Variants in LIM2 observed in about 807,000 individuals in gnomAD.
The protein encoded by LIM2 is lens intrinsic membrane protein 2, also known as lens fiber membrane intrinsic protein.
In LIM2, 14 loss-of-function variants were observed where a neutral mutation model predicts 19.0. The observed-to-expected ratio is 0.74, with a 90% CI of 0.49 to 1.15. The LOEUF (loss-of-function observed/expected upper bound fraction) is 1.15, where lower values mean the gene tolerates loss of function less well. LIM2 is among the 50% of genes most tolerant of loss of function. The pLI, the probability that LIM2 is intolerant of heterozygous loss-of-function variation, is 0.00. For missense variants in LIM2, 230 were observed against 243.5 expected, an observed-to-expected ratio of 0.94 and a Z score of 0.37; for synonymous variants, 78 against 89.6, an observed-to-expected ratio of 0.87 and a Z score of 0.73.
chr19:51,385,879 C>T (rs1391891069), intron 2 of LIM2, among the ~76,000 whole-genome samples: 6 of 152,126 alleles, frequency 3.9e-5, no homozygotes, highest in South Asian at 4.1e-4. Flanking sequence ...CTGTCACGTC[C>T]GGCACTCAGT....
intron 2 of LIM2, among the ~76,000 whole-genome samples, chr19:51,385,550 CAAACGAAA>C (rs1212117193): frequency 6.6e-6 from 1 of 151,822 alleles, no homozygotes; most frequent in African/African-American, 2.4e-5. Flanking sequence ...CAAAAACAAA[CAAACGAAA>C]AAACGAAAGA....
intron 2 of LIM2, among the ~76,000 whole-genome samples, chr19:51,386,726 TTA>T (rs1987061179): frequency 6.9e-6 from 1 of 145,866 alleles, no homozygotes; most frequent in Admixed American, 6.8e-5. Flanking sequence ...CTATATGTAG[TTA>T]TATATAATAC....
At position 51,380,490 on chromosome 19, in the gene LIM2, C is replaced by A. The variant is rs1986865874; in HGVS notation, c.460+15G>T. ...TGCCCCAGGCACTGACCTTCCCACC[C>A]CTTGCCCCCAGTACCTGCGAAGAAC... On this transcript the variant is annotated intron_variant, in intron 4 of 4. Coordinates refer to ENST00000596399, the MANE Select transcript of LIM2 (RefSeq NM_001161748.2). 6.2e-7 allele frequency: 1 copy of A among 1,614,192 alleles called. No homozygotes were observed.
In LIM2 at chr19:51,387,358, A is replaced by C. The variant is rs1422792023; in HGVS notation, c.86T>G (p.Met29Arg). The change falls in exon 2 of 5, where the codon ATG becomes AGG. Residue 29 changes from methionine (M) to arginine (R), a missense_variant. Coordinates refer to ENST00000596399, the MANE Select transcript of LIM2 (RefSeq NM_001161748.2). ...GAAGGACCCTGACAGCCGGTACTGC[A>C]TCCAGTGGTCTGTTGCCATGGCCAC... ...LVVAMATDHW[M>R]QYRLSGSFAH... 6.2e-7 allele frequency: 1 copy of C among 1,614,072 alleles called. No homozygotes were observed. Among genetic ancestry groups the C allele is most frequent in the Non-Finnish European group, 8.5e-7 (1 of 1,180,052 alleles).
intron 2 of LIM2, 139 bp downstream of exon 2, chr19:51,387,130 C>CA (rs1568482739): frequency 1.3e-6 from 2 of 1,520,676 alleles, no homozygotes; most frequent in Admixed American, 3.4e-5. Context: ...CTGCCCCCTC[C>CA]ATGCTGAGTG....
At chr19:51,381,121 G>A (rs1986882694) in intron 3 of LIM2, among the ~76,000 whole-genome samples, 1 of 152,024 alleles carries the variant, frequency 6.6e-6, no homozygotes, top group African/African-American at 2.4e-5. Flanking sequence ...GATCAGCCTG[G>A]TCAACATGGT....
intron 2 of LIM2, among the ~76,000 whole-genome samples, chr19:51,385,732 G>T (rs914553876): frequency 3.9e-5 from 6 of 152,098 alleles, no homozygotes; most frequent in African/African-American, 1.2e-4. Context: ...CAGGCAGAGC[G>T]GACTCTGAAG....
chr19:51,387,130 C>A (rs750280313), intron 2 of LIM2, 139 bp downstream of exon 2: 1 of 1,520,676 alleles, frequency 6.6e-7, no homozygotes, highest in Non-Finnish European at 9.1e-7. Context: ...CTGCCCCCTC[C>A]ATGCTGAGTG....
In LIM2 at chr19:51,380,764, T is replaced by C; in HGVS notation, c.326-125A>G. 3.9e-6 allele frequency: 3 copies of C among 769,924 alleles called. No individual in the cohort carries two copies. In the South Asian group the frequency reaches 4.6e-5, roughly 12 times the overall value. 47.7% of individuals were successfully genotyped at this position (769,924 alleles called of 1,614,324 possible). A position where few individuals can be genotyped will look rare whatever the true frequency, so the allele number is the denominator to read the frequency against. ...GAAAGGGGTGGAAATGGGTTGGGGG[T>C]GGGGATAGGAGTGAGGATAGGGGTT... On this transcript the variant is annotated intron_variant, in intron 3 of 4. Transcript: ENST00000596399.
intron 3 of LIM2, among the ~76,000 whole-genome samples, chr19:51,381,621 A>G (rs373349869): frequency 6.6e-6 from 1 of 152,146 alleles, no homozygotes; most frequent in South Asian, 2.1e-4. Flanking sequence ...GTGTCTCTTC[A>G]TTTGCTTGGA....
intron 3 of LIM2, 92 bp from the exon 4 acceptor site, chr19:51,380,731 AG>A: frequency 9.2e-7 from 1 of 1,081,926 alleles, no homozygotes; most frequent in Non-Finnish European, 1.3e-6. Context: ...GTGGGAACTA[AG>A]ATTGGGGAAA....
intron 2 of LIM2, 116 bp downstream of exon 2, chr19:51,387,153 T>C: frequency 6.2e-7 from 1 of 1,604,370 alleles, no homozygotes; most frequent in Middle Eastern, 1.7e-4. Flanking sequence ...CTTGGGTTGC[T>C]CCCTTTCCCT....
chr19:51,382,093 G>T (rs1986909340), intron 3 of LIM2, among the ~76,000 whole-genome samples: 1 of 152,210 alleles, frequency 6.6e-6, no homozygotes, highest in Non-Finnish European at 1.5e-5. Context: ...TGGATCAAAA[G>T]CATGGGTGGC....
chr19:51,380,621 G>C lies in LIM2; in HGVS notation c.344C>G (p.Ala115Gly). ...FFSSTLFVVL[A>G]LAIYTGVTVS... Reference sequence around the variant, plus strand: ...GGTGACTCCAGTGTAGATGGCCAAGGCCAACACGACGAAAAGGGCTGGGGA... The same window carrying C: ...GGTGACTCCAGTGTAGATGGCCAAGCCCAACACGACGAAAAGGGCTGGGGA... Residue 115 changes from alanine (A) to glycine (G), a missense_variant, in exon 4 of 5, where the codon GCC (alanine) becomes GGC (glycine). By Grantham distance (60) the Ala-to-Gly change is moderately conservative. Transcript: ENST00000596399. 6.2e-7 allele frequency: 1 copy of C among 1,614,132 alleles called. No homozygotes were observed. The highest frequency in any genetic ancestry group is 8.5e-7 in the Non-Finnish European group (1 of 1,180,022).
rs779487054 is a variant in LIM2, at chr19:51,382,573, G to T, written c.176-6C>A. On this transcript the variant is annotated splice_region_variant and splice_polypyrimidine_tract_variant and intron_variant, in intron 2 of 4. Transcript: ENST00000596399. Reference sequence around the variant, plus strand: ...CCGGGTGGCATTCCAGTATGCTGTGGGAGCACCCCATGGTCATTCCCACAC... The same window carrying T: ...CCGGGTGGCATTCCAGTATGCTGTGTGAGCACCCCATGGTCATTCCCACAC... 4 of 1,613,082 alleles carry T rather than the reference G, an allele frequency of 2.5e-6. No homozygotes were observed. The East Asian group carries it at 8.9e-5, about 36-fold the overall frequency.
chr19:51,382,585 G>C lies in LIM2; in HGVS notation c.176-18C>G. ...CCAGTATGCTGTGGGAGCACCCCAT[G>C]GTCATTCCCACACCTCCCCTGCTCT... On this transcript the variant is annotated intron_variant, in intron 2 of 4. Coordinates refer to ENST00000596399, the MANE Select transcript of LIM2 (RefSeq NM_001161748.2). The C allele has an allele frequency of 6.2e-7, 1 of 1,612,774 alleles. No individual in the cohort carries two copies. Among genetic ancestry groups the C allele is most frequent in the Non-Finnish European group, 8.5e-7 (1 of 1,179,816 alleles).
chr19:51,387,775 G>T (rs1479700332), intron 1 of LIM2, 144 bp downstream of exon 1: 1 of 398,114 alleles, frequency 2.5e-6, no homozygotes, highest in African/African-American at 2.0e-5. Flanking sequence ...AGGGGCCCAG[G>T]AGCCTGGATT....
Position 51,387,339 on chromosome 19 carries a change from C to A in LIM2, c.105G>T (p.Gly35=), listed in dbSNP as rs763695624. 1.2e-6 allele frequency: 2 copies of A among 1,614,136 alleles called. No homozygotes were observed. The highest frequency in any genetic ancestry group is 2.2e-5 in the South Asian group (2 of 91,078). Residue 35 remains glycine (G), a synonymous_variant, in exon 2 of 5, where the codon GGG becomes GGT. Coordinates refer to ENST00000596399, the MANE Select transcript of LIM2 (RefSeq NM_001161748.2). The stretch of plus-strand genomic sequence containing the variant: ...GCCACAGGCCCTGGTGGGCGAAGGA[C>A]CCTGACAGCCGGTACTGCATCCAGT... ...TDHWMQYRLS[G]SFAHQGLWRY... is the part of the protein sequence containing the mutation.
Position 51,380,648 on chromosome 19 carries a change from A to G in LIM2, c.326-9T>C. On this transcript the variant is annotated splice_polypyrimidine_tract_variant and intron_variant, in intron 3 of 4. Coordinates refer to ENST00000596399, the MANE Select transcript of LIM2 (RefSeq NM_001161748.2). Reference sequence around the variant, plus strand: ...CAACACGACGAAAAGGGCTGGGGAGAGAGGGCGGGAGGATGCAGGTGGGAC... The same window carrying G: ...CAACACGACGAAAAGGGCTGGGGAGGGAGGGCGGGAGGATGCAGGTGGGAC... The G allele has an allele frequency of 6.2e-7, 1 of 1,611,708 alleles. No individual in the cohort carries two copies. The highest frequency in any genetic ancestry group is 8.5e-7 in the Non-Finnish European group (1 of 1,178,690).
Sources: gnomAD v4.1 joint callset for allele counts (sites outside exome capture counted in the v4.1 genomes callset) on GRCh38, gnomAD v4.1.1 for gene constraint, MANE v1.5 for transcripts, NCBI Gene and HGNC (gene_info 2026-07-23, HGNC 2026-07-21) for gene names.